AKAP13: variants seen among roughly 807,000 people sequenced by gnomAD.
AKAP13 encodes the protein A-kinase anchoring protein 13.
AKAP13 carries 80 observed loss-of-function variants against 264.5 expected under a neutral mutation model. The observed-to-expected ratio is 0.30, with a 90% confidence interval of 0.25 to 0.36. The LOEUF is 0.36. Ranked by LOEUF, AKAP13 falls within the 10% of genes least tolerant of loss-of-function variation. AKAP13 has a pLI of 1.00. For missense variants in AKAP13, 3,712 were observed against 3,435.2 expected (o/e 1.08, Z -2.01); for synonymous variants, 1,380 against 1,250.2 (o/e 1.10, Z -2.19).
At chr15:85,697,485 C>T (rs2085630939) in intron 17 of AKAP13, among the ~76,000 whole-genome samples, 1 of 152,200 alleles carries the variant, frequency 6.6e-6, no homozygotes, top group African/African-American at 2.4e-5. Flanking sequence ...AGGAGAATCT[C>T]TTGAACCCGG....
chr15:85,607,695 C>T (rs901844390), intron 8 of AKAP13, among the ~76,000 whole-genome samples: 5 of 94,556 alleles, frequency 5.3e-5, no homozygotes, highest in African/African-American at 1.4e-4. Context: ...GCATTCTCCA[C>T]TCTTTAAACA....
At chr15:85,559,827 T>A (rs1350934981) in intron 5 of AKAP13, among the ~76,000 whole-genome samples, 1 of 152,148 alleles carries the variant, frequency 6.6e-6, no homozygotes, top group East Asian at 1.9e-4. Flanking sequence ...CGCCATAGAC[T>A]GGTACTGGTT....
chr15:85,599,489 A>G (rs181634446), intron 8 of AKAP13, among the ~76,000 whole-genome samples: 80 of 152,226 alleles, frequency 5.3e-4, no homozygotes, highest in African/African-American at 1.9e-3. Flanking sequence ...GGTGATTGAC[A>G]TTTGCTCCTG....
intron 8 of AKAP13, among the ~76,000 whole-genome samples, chr15:85,595,297 A>G (rs2079768199): frequency 4.6e-5 from 7 of 151,942 alleles, no homozygotes. Flanking sequence ...CACGGTCTCC[A>G]CAATGTTGCC....
At chr15:85,714,084 T>A (rs1597149651) in intron 19 of AKAP13, among the ~76,000 whole-genome samples, 1 of 152,346 alleles carries the variant, frequency 6.6e-6, no homozygotes, top group Middle Eastern at 3.4e-3. Flanking sequence ...TAGCCTACTG[T>A]TGACCAGAAG....
chr15:85,417,577 A>G (rs939070751), intron 1 of AKAP13, among the ~76,000 whole-genome samples: 1 of 152,208 alleles, frequency 6.6e-6, no homozygotes, highest in Non-Finnish European at 1.5e-5. Flanking sequence ...TAAAAGAACA[A>G]TCTGTTGTTA....
intron 5 of AKAP13, among the ~76,000 whole-genome samples, chr15:85,562,931 C>G (rs1317218090): frequency 2.0e-5 from 3 of 148,562 alleles, no homozygotes; most frequent in Non-Finnish European, 4.5e-5. Context: ...CCAGGCTGGT[C>G]TCAAACTCCT....
At chr15:85,513,763 C>T (rs1007201081) in intron 2 of AKAP13, among the ~76,000 whole-genome samples, 1 of 147,560 alleles carries the variant, frequency 6.8e-6, no homozygotes, top group Non-Finnish European at 1.5e-5. Flanking sequence ...CACACCCTTT[C>T]TTTATCTTCT....
rs117475244 is a variant in AKAP13, at chr15:85,707,113, G to A, written c.5465-906G>A. On this transcript the variant is annotated intron_variant, in intron 17 of 36. Transcript: ENST00000394518. Reference sequence around the variant, plus strand: ...GGTATCTGTGGTTGATTTCCTGAGTGAGCCCTTCCCATGAGAGTGTCTCCT... The same window carrying A: ...GGTATCTGTGGTTGATTTCCTGAGTAAGCCCTTCCCATGAGAGTGTCTCCT... Among the ~76,000 whole-genome samples, 611 of 152,314 alleles carry A rather than the reference G, an allele frequency of 4.0e-3. 2 individuals are homozygous for A. The highest frequency in any genetic ancestry group is 7.1e-3 in the Non-Finnish European group (485 of 68,026).
intron 1 of AKAP13, among the ~76,000 whole-genome samples, chr15:85,393,827 A>T (rs922596608): frequency 1.1e-4 from 16 of 152,270 alleles, no homozygotes; most frequent in African/African-American, 3.8e-4. Context: ...TTTCACTTTG[A>T]TGTAATTATA....
chr15:85,729,492 G>A (rs1021983610), intron 29 of AKAP13, among the ~76,000 whole-genome samples: 1 of 152,170 alleles, frequency 6.6e-6, no homozygotes, highest in African/African-American at 2.4e-5. Context: ...CTGAGAACAA[G>A]GCATCTCAGT....
intron 1 of AKAP13, among the ~76,000 whole-genome samples, chr15:85,389,257 A>G (rs913809880): frequency 3.3e-5 from 5 of 152,030 alleles, no homozygotes; most frequent in Non-Finnish European, 7.4e-5. Context: ...GCAATTTTCA[A>G]ACTCCTTAGC....
At chr15:85,427,802 A>G (rs1171953073) in intron 1 of AKAP13, among the ~76,000 whole-genome samples, 1 of 152,236 alleles carries the variant, frequency 6.6e-6, no homozygotes, top group African/African-American at 2.4e-5. Context: ...TATGTTAGTC[A>G]TAAGTGACAT....
intron 30 of AKAP13, among the ~76,000 whole-genome samples, chr15:85,732,236 A>G (rs934845741): frequency 6.6e-6 from 1 of 152,072 alleles, no homozygotes; most frequent in African/African-American, 2.4e-5. Flanking sequence ...TGGTATAGTA[A>G]GTTGTTCCAG....
intron 35 of AKAP13, among the ~76,000 whole-genome samples, 192 bp downstream of exon 35, chr15:85,741,687 C>G (rs141594215): frequency 8.0e-6 from 1 of 124,982 alleles, no homozygotes; most frequent in Non-Finnish European, 1.6e-5. Flanking sequence ...GAGGGAGACT[C>G]TGTCTCTCCT....
intron 35 of AKAP13, among the ~76,000 whole-genome samples, chr15:85,742,593 A>C (rs56141817): frequency 0.26 from 40,133 of 152,118 alleles, 5,518 homozygotes; most frequent in Non-Finnish European, 0.31. Context: ...TCTACTGCTG[A>C]TGAAAAACCT....
At position 85,744,630 on chromosome 15, in the gene AKAP13, G is replaced by C; in HGVS notation, c.8395G>C (p.Gly2799Arg). 2 of 1,613,870 alleles carry C rather than the reference G, an allele frequency of 1.2e-6. No individual in the cohort carries two copies. Among genetic ancestry groups the C allele is most frequent in the South Asian group, 1.1e-5 (1 of 91,046 alleles). ...ATTCTTGGTTTTCACATTTCCAGATGGTCCCGCGTCAGAAGTATCAGCAGA... is the reference window on the plus strand; with the variant it reads ...ATTCTTGGTTTTCACATTTCCAGATCGTCCCGCGTCAGAAGTATCAGCAGA... Reference protein sequence around the residue: ...NKTSRSQPGDGPASEVSAEGE... With the variant: ...NKTSRSQPGDRPASEVSAEGE... Residue 2799 changes from glycine to arginine, a missense_variant and splice_region_variant, in exon 37 of 37, where the codon GGT becomes CGT. Physicochemically the swap from Gly to Arg is moderately radical, Grantham distance 125 (BLOSUM62 -2). Around this residue, in one of 3 missense-constraint regions of AKAP13, gnomAD observed 611 missense variants for 539.3 expected, o/e 1.13. Transcript: ENST00000394518.
chr15:85,660,252 C>G (rs1481569439), intron 12 of AKAP13, among the ~76,000 whole-genome samples: 6 of 143,852 alleles, frequency 4.2e-5, no homozygotes, highest in Non-Finnish European at 9.0e-5. Context: ...ACTCAGGAGG[C>G]TGAGGCAGGA....
At chr15:85,390,659 G>A (rs973403475) in intron 1 of AKAP13, among the ~76,000 whole-genome samples, 1 of 152,204 alleles carries the variant, frequency 6.6e-6, no homozygotes, top group African/African-American at 2.4e-5. Flanking sequence ...ATTTGCAGTC[G>A]TTCAGGCTAG....
Sources: gnomAD v4.1 joint callset for allele counts (sites outside exome capture counted in the v4.1 genomes callset) on GRCh38, gnomAD v4.1.1 for gene constraint, gnomAD v4.1.1 regional missense constraint, MANE v1.5 for transcripts, NCBI Gene and HGNC (gene_info 2026-07-23, HGNC 2026-07-21) for gene names.